Variants in NRG3 observed in about 807,000 individuals in gnomAD.
The protein encoded by NRG3 is neuregulin 3.
NRG3 carries 31 observed loss-of-function variants against 66.9 expected under a neutral mutation model. The ratio of observed to expected loss-of-function variants is 0.46; its 90% confidence interval spans 0.35 to 0.63. The LOEUF (loss-of-function observed/expected upper bound fraction) is 0.63. NRG3 is among the 20% of genes least tolerant of loss of function. The pLI, the probability that NRG3 is intolerant of heterozygous loss-of-function variation, is 0.00. For synonymous variants in NRG3, 393 were observed against 359.4 expected (o/e 1.09, Z -1.06); for missense variants, 910 against 878.9 (o/e 1.04, Z -0.45).
intron 1 of NRG3, among the ~76,000 whole-genome samples, chr10:82,302,256 T>G (rs2134792259): frequency 6.6e-6 from 1 of 152,184 alleles, no homozygotes; most frequent in East Asian, 1.9e-4. Context: ...AAGGAAGAAG[T>G]TATTGCAAAA....
At chr10:82,529,944 T>C (rs1418894602) in intron 2 of NRG3, among the ~76,000 whole-genome samples, 1 of 152,150 alleles carries the variant, frequency 6.6e-6, no homozygotes, top group Non-Finnish European at 1.5e-5. Flanking sequence ...TTAACAGATA[T>C]CTTTGCAAAC....
intron 1 of NRG3, among the ~76,000 whole-genome samples, chr10:82,195,333 A>G (rs1442230146): frequency 6.6e-6 from 1 of 152,182 alleles, no homozygotes; most frequent in Non-Finnish European, 1.5e-5. Flanking sequence ...GAGTATTTTG[A>G]TGTGTATCAT....
intron 1 of NRG3, among the ~76,000 whole-genome samples, chr10:82,091,533 C>A (rs1230700493): frequency 6.6e-6 from 1 of 152,118 alleles, no homozygotes; most frequent in Non-Finnish European, 1.5e-5. Context: ...CCATTGCATG[C>A]ATATACCACA....
At chr10:82,849,001 G>C (rs1459639687) in intron 3 of NRG3, among the ~76,000 whole-genome samples, 2 of 152,108 alleles carry the variant, frequency 1.3e-5, no homozygotes, top group Admixed American at 6.5e-5. Context: ...TTTATTAGCA[G>C]TATGAGAATG....
rs373269304 is a variant in NRG3, at chr10:82,866,476, G to A, written c.1054+1039G>A. On this transcript the variant is annotated intron_variant, in intron 4 of 8. Coordinates refer to ENST00000372141, the MANE Select transcript of NRG3 (RefSeq NM_001010848.4). Reference sequence around the variant, plus strand: ...GAAATTTGTGAAATGTCTTTATACCGGAATTGGTGTTCCCAGTTGTATGGT... The same window carrying A: ...GAAATTTGTGAAATGTCTTTATACCAGAATTGGTGTTCCCAGTTGTATGGT... Among the ~76,000 whole-genome samples the A allele has an allele frequency of 5.3e-5, 8 of 152,184 alleles. No homozygotes were observed. The South Asian group carries it at 8.3e-4, about 16-fold the overall frequency.
intron 3 of NRG3, among the ~76,000 whole-genome samples, chr10:82,774,884 A>G (rs1225822071): frequency 8.1e-6 from 1 of 123,862 alleles, no homozygotes; most frequent in Non-Finnish European, 1.6e-5. Flanking sequence ...TTAATGTGGC[A>G]TGATCTCAGC....
intron 2 of NRG3, among the ~76,000 whole-genome samples, chr10:82,726,534 G>T (rs1206947539): frequency 1.3e-5 from 2 of 152,132 alleles, no homozygotes; most frequent in African/African-American, 4.8e-5. Context: ...TGCCATTCAT[G>T]TAAGATGTGA....
At chr10:82,250,745 T>G (rs778440879) in intron 1 of NRG3, among the ~76,000 whole-genome samples, 33 of 152,328 alleles carry the variant, frequency 2.2e-4, no homozygotes, top group Non-Finnish European at 4.4e-4. Flanking sequence ...CAGTGATCAT[T>G]TAATTGTCCA....
At chr10:82,560,811 A>T (rs748948731) in intron 2 of NRG3, among the ~76,000 whole-genome samples, 10 of 151,636 alleles carry the variant, frequency 6.6e-5, no homozygotes, top group Non-Finnish European at 1.5e-4. Flanking sequence ...TAAATAAGAA[A>T]CGACTGGTTT....
intron 1 of NRG3, among the ~76,000 whole-genome samples, chr10:82,233,192 G>A (rs551285184): frequency 3.9e-5 from 6 of 152,044 alleles, no homozygotes; most frequent in South Asian, 4.1e-4. Context: ...GTGAAACTCC[G>A]TCTCTACTAA....
At chr10:81,989,620 T>C (rs771120343) in intron 1 of NRG3, among the ~76,000 whole-genome samples, 1 of 152,206 alleles carries the variant, frequency 6.6e-6, no homozygotes, top group Non-Finnish European at 1.5e-5. Flanking sequence ...TTGTTTTATG[T>C]GACAAAACTG....
intron 4 of NRG3, among the ~76,000 whole-genome samples, chr10:82,888,527 G>T (rs1263505947): frequency 6.6e-6 from 1 of 152,030 alleles, no homozygotes; most frequent in Non-Finnish European, 1.5e-5. Flanking sequence ...TGGAGTGTAA[G>T]TAGATAGCAT....
At chr10:82,940,318 C>T (rs1253339351) in intron 4 of NRG3, among the ~76,000 whole-genome samples, 2 of 152,130 alleles carry the variant, frequency 1.3e-5, no homozygotes, top group Non-Finnish European at 2.9e-5. Context: ...GAAGGGGTAA[C>T]TCTTTCTTGC....
intron 2 of NRG3, among the ~76,000 whole-genome samples, chr10:82,527,209 A>T (rs1159931146): frequency 6.6e-6 from 1 of 152,128 alleles, no homozygotes; most frequent in Non-Finnish European, 1.5e-5. Flanking sequence ...GAGAAAATAC[A>T]ACATCTACAG....
At chr10:81,974,330 A>G (rs2060038937) in intron 1 of NRG3, among the ~76,000 whole-genome samples, 1 of 152,116 alleles carries the variant, frequency 6.6e-6, no homozygotes, top group South Asian at 2.1e-4. Flanking sequence ...GAGAAAAAAA[A>G]GACATATTAC....
chr10:82,948,098 T>C (rs1428291443), intron 4 of NRG3, among the ~76,000 whole-genome samples: 1 of 152,024 alleles, frequency 6.6e-6, no homozygotes, highest in Non-Finnish European at 1.5e-5. Context: ...GTATAGAGTA[T>C]GAGATTAGGA....
chr10:82,521,266 G>T (rs1026337960), intron 2 of NRG3, among the ~76,000 whole-genome samples: 1 of 152,050 alleles, frequency 6.6e-6, no homozygotes, highest in African/African-American at 2.4e-5. Context: ...TAATCTCTTT[G>T]CTGGTGGAAG....
At chr10:81,965,016 A>G (rs1213328851) in intron 1 of NRG3, among the ~76,000 whole-genome samples, 1 of 152,220 alleles carries the variant, frequency 6.6e-6, no homozygotes, top group Non-Finnish European at 1.5e-5. Context: ...TACCCATTTA[A>G]TATTAATTTA....
chr10:82,646,034 A>G (rs1029224105), intron 2 of NRG3, among the ~76,000 whole-genome samples: 1 of 152,150 alleles, frequency 6.6e-6, no homozygotes, highest in Non-Finnish European at 1.5e-5. Context: ...TATTGAAACC[A>G]TGTTCATATG....
Sources: allele counts gnomAD v4.1 joint callset (sites outside exome capture counted in the v4.1 genomes callset), GRCh38; gene constraint gnomAD v4.1.1; transcripts MANE v1.5; gene names NCBI Gene and HGNC (gene_info 2026-07-23, HGNC 2026-07-21).